The following SMARCA2 variants were observed in gnomAD, a reference collection of about 807,000 sequenced individuals.
SMARCA2 encodes SWI/SNF related BAF chromatin remodeling complex subunit ATPase 2, also known as SWI/SNF-related matrix-associated actin-dependent regulator of chromatin subfamily A member 2.
In SMARCA2, 61 loss-of-function variants were observed where a neutral mutation model predicts 199.8. That is an observed-to-expected ratio of 0.31 (90% confidence interval 0.25 to 0.38). The LOEUF is 0.38. Among genes scored for constraint, SMARCA2 ranks in the 10% least tolerant of loss-of-function variants. SMARCA2 has a pLI of 1.00. For missense variants in SMARCA2, 1,344 were observed against 2,012.2 expected (o/e 0.67, Z 6.35); for synonymous variants, 935 against 732.0 (o/e 1.28, Z -4.48).
At chr9:2,151,461 G>C (rs1270663880) in intron 27 of SMARCA2, among the ~76,000 whole-genome samples, 1 of 151,634 alleles carries the variant, frequency 6.6e-6, no homozygotes, top group African/African-American at 2.4e-5. Flanking sequence ...GCTGGGCACA[G>C]TGGCTCATGC....
chr9:2,161,768 A>G lies in SMARCA2; in HGVS notation c.4064A>G (p.Asp1355Gly), dbSNP rs1230399562. 6.2e-7 allele frequency: 1 copy of G among 1,613,984 alleles called. No homozygotes were observed. The highest frequency in any genetic ancestry group is 1.3e-5 in the African/African-American group (1 of 74,920). The change falls in exon 28 of 34, where the codon GAT becomes GGT. Residue 1355 changes from aspartate (D) to glycine (G), a missense_variant. Physicochemically the swap from Asp to Gly is moderately conservative, Grantham distance 94. Around this residue, in one of 18 missense-constraint regions of SMARCA2, gnomAD observed 151 missense variants for 154.0 expected, o/e 0.98. Coordinates refer to ENST00000349721, the MANE Select transcript of SMARCA2 (RefSeq NM_003070.5). This position sits in a 1 kb window ranked among gnomAD's most constrained non-coding sequence, Gnocchi z 4.7. ...KRKRRRNVDKDPAKEDVEKAK... is the reference protein window; with the variant it reads ...KRKRRRNVDKGPAKEDVEKAK... Reference sequence around the variant, plus strand: ...AAAAGACGAAGAAATGTGGATAAAGATCCTGCAAAAGAAGATGTGGAAAAA... The same window carrying G: ...AAAAGACGAAGAAATGTGGATAAAGGTCCTGCAAAAGAAGATGTGGAAAAA...
At chr9:2,125,798 T>A (rs946614100) in intron 27 of SMARCA2, among the ~76,000 whole-genome samples, 39 of 152,178 alleles carry the variant, frequency 2.6e-4, no homozygotes, top group African/African-American at 9.2e-4. Flanking sequence ...CTGGGCGAAA[T>A]TTTTAAAGCT....
intron 9 of SMARCA2, among the ~76,000 whole-genome samples, chr9:2,065,101 T>C (rs746433932): frequency 6.6e-6 from 1 of 151,908 alleles, no homozygotes; most frequent in Non-Finnish European, 1.5e-5. Flanking sequence ...GAGAGAATGG[T>C]GTGAACCCAG....
intron 27 of SMARCA2, among the ~76,000 whole-genome samples, chr9:2,138,005 T>A (rs1824284024): frequency 1.3e-5 from 2 of 152,216 alleles, no homozygotes; most frequent in African/African-American, 4.8e-5. Context: ...GCTTTTGAGC[T>A]TTAAGAATTT....
At chr9:2,133,043 G>T (rs1372724023) in intron 27 of SMARCA2, among the ~76,000 whole-genome samples, 2 of 152,082 alleles carry the variant, frequency 1.3e-5, no homozygotes, top group African/African-American at 2.4e-5. Context: ...TTGATGCTTG[G>T]AATTTCTGGT....
At chr9:2,139,270 A>C (rs1047505103) in intron 27 of SMARCA2, among the ~76,000 whole-genome samples, 2 of 152,228 alleles carry the variant, frequency 1.3e-5, no homozygotes, top group Non-Finnish European at 2.9e-5. Context: ...GTTAGTACTC[A>C]AATCAGTCTC....
In SMARCA2 at chr9:2,187,385, T is replaced by C. The variant is rs553444336; in HGVS notation, c.4594+1157T>C. 1.2e-4 allele frequency among the ~76,000 whole-genome samples: 19 copies of C among 152,328 alleles called. No individual in the cohort carries two copies. The South Asian group carries it at 3.5e-3, about 28-fold the overall frequency. ...GGTGCTGTCAGAAGTTGAAAATTTC[T>C]TCTTAGTGAGGCATGTTGGCTCACA... On this transcript the variant is annotated intron_variant, in intron 32 of 33. Transcript: ENST00000349721.
intron 3 of SMARCA2, among the ~76,000 whole-genome samples, chr9:2,035,154 G>C (rs1819270592): frequency 1.3e-5 from 2 of 152,016 alleles, no homozygotes; most frequent in South Asian, 4.2e-4. Flanking sequence ...CGATTCTCCT[G>C]CCTCAGCCTC....
At chr9:2,155,788 A>G (rs926808707) in intron 27 of SMARCA2, among the ~76,000 whole-genome samples, 2 of 123,278 alleles carry the variant, frequency 1.6e-5, no homozygotes, top group African/African-American at 6.2e-5. Context: ...TTGATCAGTA[A>G]ACTGGAAAAC....
intron 29 of SMARCA2, among the ~76,000 whole-genome samples, chr9:2,177,583 G>T (rs144880747): frequency 6.6e-6 from 1 of 151,180 alleles, no homozygotes; most frequent in Non-Finnish European, 1.5e-5. Flanking sequence ...ACTGAGTTTC[G>T]CTCTCGTTGC....
intron 27 of SMARCA2, among the ~76,000 whole-genome samples, chr9:2,138,523 T>C (rs78965620): frequency 2.4e-4 from 37 of 152,356 alleles, no homozygotes; most frequent in African/African-American, 8.9e-4. Context: ...TTCCAAAGAT[T>C]ATTTTAAATA....
At position 2,161,626 on chromosome 9, in the gene SMARCA2, C is replaced by CT. The variant is rs1403500778; in HGVS notation, c.3982-53dup. On this transcript the variant is annotated intron_variant, in intron 27 of 33. Coordinates refer to ENST00000349721, the MANE Select transcript of SMARCA2 (RefSeq NM_003070.5). This position sits in a 1 kb window ranked among gnomAD's most constrained non-coding sequence, Gnocchi z 4.7. ...GGAGCTATATATAAATATACACATA[C>CT]TTTTTTTGTCTTGGTTATTCTCTTG... 5.1e-5 allele frequency: 60 copies of CT among 1,173,536 alleles called. No individual in the cohort carries two copies. The highest frequency in any genetic ancestry group is 4.1e-4 in the Middle Eastern group (2 of 4,874). The allele number at this position is 1,173,536 out of a possible 1,614,324, so 72.7% of individuals were successfully genotyped here.
intron 29 of SMARCA2, among the ~76,000 whole-genome samples, chr9:2,171,287 A>G (rs752650156): frequency 5.3e-5 from 8 of 152,110 alleles, no homozygotes; most frequent in South Asian, 2.1e-4. Flanking sequence ...CCATATTTCA[A>G]TTTTTTCAGC....
At chr9:2,088,000 T>C (rs975341582) in intron 18 of SMARCA2, among the ~76,000 whole-genome samples, 1 of 152,200 alleles carries the variant, frequency 6.6e-6, no homozygotes, top group Non-Finnish European at 1.5e-5. Flanking sequence ...TTAGAGGGAC[T>C]TAGAGGTCCA....
At chr9:2,181,114 T>G (rs1826990923) in intron 29 of SMARCA2, 1 of 153,744 alleles carries the variant, frequency 6.5e-6, no homozygotes, top group Admixed American at 6.5e-5. Context: ...ACATATTATT[T>G]TGAGTTACTT....
intron 21 of SMARCA2, among the ~76,000 whole-genome samples, chr9:2,097,970 C>G (rs1281853743): frequency 6.6e-6 from 1 of 152,204 alleles, no homozygotes; most frequent in East Asian, 1.9e-4. Flanking sequence ...TTGTTTCTGT[C>G]ATGATGATGT....
At chr9:2,043,135 C>G (rs958025709) in intron 4 of SMARCA2, 2 of 152,054 alleles carry the variant, frequency 1.3e-5, no homozygotes, top group Non-Finnish European at 2.9e-5. Context: ...GGATATTATT[C>G]ACTTACGTAG....
chr9:2,069,841 A>G (rs1466870935), intron 9 of SMARCA2, among the ~76,000 whole-genome samples: 6 of 152,130 alleles, frequency 3.9e-5, no homozygotes, highest in Middle Eastern at 3.2e-3. Context: ...ACCTGGGTAT[A>G]TTGCATGATG....
intron 29 of SMARCA2, among the ~76,000 whole-genome samples, chr9:2,175,488 C>T (rs1047228959): frequency 7.2e-5 from 11 of 152,218 alleles, no homozygotes; most frequent in African/African-American, 2.4e-4. Flanking sequence ...TGATTGTATT[C>T]TTTTATTTGT....
Sources: allele counts gnomAD v4.1 joint callset (sites outside exome capture counted in the v4.1 genomes callset), GRCh38; gene constraint gnomAD v4.1.1; regional missense constraint gnomAD v4.1.1; non-coding constraint Gnocchi (gnomAD v3.1); transcripts MANE v1.5; gene names NCBI Gene and HGNC (gene_info 2026-07-23, HGNC 2026-07-21).